The following KCND2 variants were observed in gnomAD, a reference collection of about 807,000 sequenced individuals.
The protein encoded by KCND2 is A-type voltage-gated potassium channel KCND2.
In KCND2, 16 loss-of-function variants were observed where a neutral mutation model predicts 54.4. The observed-to-expected ratio is 0.29, with a 90% confidence interval of 0.20 to 0.45. KCND2 has a LOEUF of 0.45. Ranked by LOEUF, KCND2 falls within the 20% of genes least tolerant of loss-of-function variation. The pLI, the probability that KCND2 is intolerant of heterozygous loss-of-function variation, is 1.00. For missense variants in KCND2, 486 were observed against 824.2 expected (o/e 0.59, Z 5.02); for synonymous variants, 317 against 310.7 (o/e 1.02, Z -0.21).
intron 1 of KCND2, among the ~76,000 whole-genome samples, chr7:120,708,068 A>T (rs148546394): frequency 1.3e-5 from 2 of 152,258 alleles, no homozygotes; most frequent in African/African-American, 4.8e-5. Context: ...AAGAGACACC[A>T]ATAATATGAT....
chr7:120,628,443 A>G (rs1358176229), intron 1 of KCND2, among the ~76,000 whole-genome samples: 1 of 151,926 alleles, frequency 6.6e-6, no homozygotes, highest in Non-Finnish European at 1.5e-5. Context: ...CCAGGCACTG[A>G]GGCAAAGTTA....
chr7:120,626,357 A>G (rs1793163720), intron 1 of KCND2, among the ~76,000 whole-genome samples: 1 of 152,184 alleles, frequency 6.6e-6, no homozygotes, highest in African/African-American at 2.4e-5. Flanking sequence ...CTCACTTTAG[A>G]TGTAGCAATG....
rs143089604 is a variant in KCND2, at chr7:120,640,110, T to G, written c.1116-92793T>G. On this transcript the variant is annotated intron_variant, in intron 1 of 5. Coordinates refer to ENST00000331113, the MANE Select transcript of KCND2 (RefSeq NM_012281.3). ...CAGTATTTCTTCCTTCCCTCTGTGGTTTTAGCCTATCCTGTGGTGTGTGTT... is the reference window on the plus strand; with the variant it reads ...CAGTATTTCTTCCTTCCCTCTGTGGGTTTAGCCTATCCTGTGGTGTGTGTT... 3.9e-3 allele frequency among the ~76,000 whole-genome samples: 593 copies of G among 152,266 alleles called. 2 individuals are homozygous for G. Among genetic ancestry groups the G allele is most frequent in the Middle Eastern group, 0.017 (5 of 294 alleles).
At chr7:120,728,944 G>T (rs1792771533) in intron 1 of KCND2, among the ~76,000 whole-genome samples, 1 of 152,078 alleles carries the variant, frequency 6.6e-6, no homozygotes, top group Non-Finnish European at 1.5e-5. Flanking sequence ...ATTAAAAGGT[G>T]GCAGTATTTT....
rs1037783493 is a variant in KCND2, at chr7:120,733,140, G to C, written c.1278+75G>C. Reference sequence around the variant, plus strand: ...TAATGAGCTTTAAAATTTCTTAATGGTTATTCAGTGCTCTGGATTGGTCAG... The same window carrying C: ...TAATGAGCTTTAAAATTTCTTAATGCTTATTCAGTGCTCTGGATTGGTCAG... On this transcript the variant is annotated intron_variant, in intron 2 of 5. Transcript: ENST00000331113. The C allele has an allele frequency of 3.4e-6, 5 of 1,452,752 alleles. No individual in the cohort carries two copies. The African/African-American group carries it at 7.0e-5, about 20-fold the overall frequency. The allele number at this position is 1,452,752 out of a possible 1,614,324, so 90.0% of individuals were successfully genotyped here. A position where few individuals can be genotyped will look rare whatever the true frequency, so the allele number is the denominator to read the frequency against.
chr7:120,464,023 T>C, intron 1 of KCND2: 1 of 981,126 alleles, frequency 1.0e-6, no homozygotes, highest in Non-Finnish European at 1.2e-6. Context: ...TTTTGTTTTT[T>C]TTTTTTTTTC....
chr7:120,573,146 A>C (rs1792386335), intron 1 of KCND2, among the ~76,000 whole-genome samples: 3 of 152,232 alleles, frequency 2.0e-5, no homozygotes, highest in Non-Finnish European at 4.4e-5. Flanking sequence ...AAATTCCGCT[A>C]AAACAGCAAG....
At chr7:120,474,564 A>G (rs1441025297) in intron 1 of KCND2, among the ~76,000 whole-genome samples, 1 of 148,322 alleles carries the variant, frequency 6.7e-6, no homozygotes, top group Non-Finnish European at 1.5e-5. Context: ...GTGTTTCACC[A>G]TGTTGGCCAG....
At chr7:120,290,463 A>G (rs1584714752) in intron 1 of KCND2, among the ~76,000 whole-genome samples, 2 of 151,876 alleles carry the variant, frequency 1.3e-5, no homozygotes, top group South Asian at 4.1e-4. Context: ...AATCCCCTAT[A>G]TTTCTGTGCT....
chr7:120,740,871 T>C (rs1391538672), intron 2 of KCND2: 1 of 455,916 alleles, frequency 2.2e-6, no homozygotes, highest in Non-Finnish European at 4.4e-6. Flanking sequence ...CCCGTGCCGG[T>C]AGACAAAGTA....
At chr7:120,561,863 C>T (rs1255255789) in intron 1 of KCND2, among the ~76,000 whole-genome samples, 1 of 152,056 alleles carries the variant, frequency 6.6e-6, no homozygotes. Flanking sequence ...CCACCTGCCT[C>T]GGCCTCCCAA....
intron 1 of KCND2, among the ~76,000 whole-genome samples, chr7:120,568,487 A>T (rs1045591997): frequency 5.7e-4 from 86 of 152,154 alleles, no homozygotes; most frequent in African/African-American, 2.0e-3. Context: ...TTTGTATCTT[A>T]CTTTAGGGCA....
chr7:120,329,658 T>C (rs1267060856), intron 1 of KCND2, among the ~76,000 whole-genome samples: 1 of 152,172 alleles, frequency 6.6e-6, no homozygotes, highest in Non-Finnish European at 1.5e-5. Context: ...TCCTCAAGAT[T>C]TTTTTGACAA....
chr7:120,585,606 T>G (rs968702886), intron 1 of KCND2, among the ~76,000 whole-genome samples: 1 of 151,980 alleles, frequency 6.6e-6, no homozygotes, highest in Admixed American at 6.6e-5. Context: ...ACATTAGGTA[T>G]CAAGGGGAGA....
chr7:120,675,707 G>A (rs1395448142), intron 1 of KCND2, among the ~76,000 whole-genome samples: 1 of 152,068 alleles, frequency 6.6e-6, no homozygotes, highest in Non-Finnish European at 1.5e-5. Context: ...GTCAAGAATA[G>A]GATGACCTCT....
In KCND2 at chr7:120,558,277, G is replaced by A. The variant is rs148933892; in HGVS notation, c.1116-174626G>A. On this transcript the variant is annotated intron_variant, in intron 1 of 5. Coordinates refer to ENST00000331113, the MANE Select transcript of KCND2 (RefSeq NM_012281.3). ...TAACTAGAAAACTCTGCAAGGGCAA[G>A]AATATAAATGGCCCTGATGAATCAC... is the stretch of plus-strand genomic sequence containing the variant. Among the ~76,000 whole-genome samples the A allele has an allele frequency of 1.1e-4, 16 of 152,234 alleles. No individual in the cohort carries two copies. The East Asian group carries it at 3.1e-3, about 29-fold the overall frequency.
At chr7:120,675,663 T>G (rs1792051321) in intron 1 of KCND2, among the ~76,000 whole-genome samples, 1 of 152,126 alleles carries the variant, frequency 6.6e-6, no homozygotes, top group Non-Finnish European at 1.5e-5. Flanking sequence ...TATTTCTATC[T>G]CAGGCCTGTG....
chr7:120,295,327 G>GA (rs1219924682), intron 1 of KCND2, among the ~76,000 whole-genome samples: 2 of 146,466 alleles, frequency 1.4e-5, no homozygotes, highest in Non-Finnish European at 3.0e-5. Flanking sequence ...TTTCTGCCCT[G>GA]AAAAAATATG....
chr7:120,581,299 T>C (rs1425865063), intron 1 of KCND2, among the ~76,000 whole-genome samples: 1 of 152,232 alleles, frequency 6.6e-6, no homozygotes, highest in Non-Finnish European at 1.5e-5. Flanking sequence ...TATAGAAACC[T>C]TATTGAAATA....
Sources: allele counts gnomAD v4.1 joint callset (sites outside exome capture counted in the v4.1 genomes callset), GRCh38; gene constraint gnomAD v4.1.1; transcripts MANE v1.5; gene names NCBI Gene and HGNC (gene_info 2026-07-23, HGNC 2026-07-21).